The following NEO1 variants were observed in gnomAD, a reference collection of about 807,000 sequenced individuals.
NEO1 encodes neogenin.
A neutral mutation model predicts 159.7 loss-of-function variants in NEO1; 63 were observed. That is an observed-to-expected ratio of 0.39 (90% CI 0.32 to 0.49). The LOEUF (loss-of-function observed/expected upper bound fraction) is 0.49. NEO1 is among the 20% of genes least tolerant of loss of function. NEO1 has a pLI of 0.85. For missense variants in NEO1, 1,615 were observed against 1,831.0 expected, an observed-to-expected ratio of 0.88 and a Z score of 2.15; for synonymous variants, 633 against 662.0, an observed-to-expected ratio of 0.96 and a Z score of 0.67.
In NEO1 at chr15:73,153,412, T is replaced by C. The variant is rs527827220; in HGVS notation, c.1015+17385T>C. ...AAATCTAATTACAAAATCTAATCACTGCATTGGCAAAACACCATTTCTCCC... is the reference window on the plus strand; with the variant it reads ...AAATCTAATTACAAAATCTAATCACCGCATTGGCAAAACACCATTTCTCCC... On this transcript the variant is annotated intron_variant, in intron 5 of 28. Coordinates refer to ENST00000261908, the MANE Select transcript of NEO1 (RefSeq NM_002499.4). Among the ~76,000 whole-genome samples the C allele has an allele frequency of 3.4e-4, 51 of 151,944 alleles. 1 individual carries two copies. The highest frequency in any genetic ancestry group is 3.0e-3 in the Admixed American group (46 of 15,272).
chr15:73,124,618 C>T (rs554167985), intron 3 of NEO1, among the ~76,000 whole-genome samples: 1 of 152,154 alleles, frequency 6.6e-6, no homozygotes, highest in Non-Finnish European at 1.5e-5. Flanking sequence ...AGATACCTGC[C>T]TGGGTCACTG....
chr15:73,301,434 A>G lies in NEO1; in HGVS notation c.4279A>G (p.Arg1427Gly), dbSNP rs1397110926. 1.2e-6 allele frequency: 2 copies of G among 1,614,174 alleles called. No individual in the cohort carries two copies. Among genetic ancestry groups the G allele is most frequent in the Non-Finnish European group, 1.7e-6 (2 of 1,180,030 alleles). Residue 1427 changes from arginine to glycine, a missense_variant, in exon 28 of 29, where the codon AGG becomes GGG. Arg to Gly is a moderately radical substitution (Grantham distance 125, BLOSUM62 -2). Transcript: ENST00000261908. ...PSAPEVQETTRMLEDSESSYE... is the reference protein window; with the variant it reads ...PSAPEVQETTGMLEDSESSYE... ...TGCCCCTGAAGTGCAGGAGACCACA[A>G]GGATGTTGGAAGACTCCGAGAGTGT...
At chr15:73,065,566 CT>C (rs2151278398) in intron 1 of NEO1, among the ~76,000 whole-genome samples, 1 of 152,234 alleles carries the variant, frequency 6.6e-6, no homozygotes, top group African/African-American at 2.4e-5. Flanking sequence ...AAGAAGTCAA[CT>C]GTCTTATTTT....
chr15:73,112,127 T>A (rs1400635668), intron 1 of NEO1, among the ~76,000 whole-genome samples: 1 of 152,118 alleles, frequency 6.6e-6, no homozygotes. Flanking sequence ...CATATGAAAT[T>A]ATATAATTTA....
intron 1 of NEO1, among the ~76,000 whole-genome samples, chr15:73,103,439 G>A (rs1253049721): frequency 6.6e-6 from 1 of 152,142 alleles, no homozygotes; most frequent in Non-Finnish European, 1.5e-5. Flanking sequence ...TTGACAGAGT[G>A]TCTTCTGCTC....
intron 25 of NEO1, among the ~76,000 whole-genome samples, chr15:73,292,090 G>A (rs1337557513): frequency 1.3e-5 from 2 of 152,144 alleles, no homozygotes; most frequent in African/African-American, 4.8e-5. Context: ...CTGAGGGAAA[G>A]CCCCTTTTTT....
intron 5 of NEO1, among the ~76,000 whole-genome samples, chr15:73,174,353 G>T (rs11636981): frequency 0.29 from 44,188 of 151,968 alleles, 7,440 homozygotes; most frequent in East Asian, 0.57. Context: ...GAGCTGGTGT[G>T]CAGAAAACAC....
At chr15:73,236,671 C>T (rs938122185) in intron 8 of NEO1, among the ~76,000 whole-genome samples, 165 bp downstream of exon 8, 2 of 152,168 alleles carry the variant, frequency 1.3e-5, no homozygotes, top group African/African-American at 4.8e-5. Context: ...CCCAAACAGA[C>T]TAAAGTCCTG....
At position 73,083,446 on chromosome 15, in the gene NEO1, A is replaced by G. The variant is rs886171518; in HGVS notation, c.130+30641A>G. ...ATATAAATATAAAACATATATATAT[A>G]TAAAACACAGTTTGGTCCTTAAAGA... On this transcript the variant is annotated intron_variant, in intron 1 of 28. Transcript: ENST00000261908. 3.9e-5 allele frequency among the ~76,000 whole-genome samples: 6 copies of G among 152,070 alleles called. No homozygotes were observed. In the South Asian group the frequency reaches 8.3e-4, roughly 21 times the overall value.
At chr15:73,134,499 GT>G (rs1489167384) in intron 4 of NEO1, among the ~76,000 whole-genome samples, 3 of 151,634 alleles carry the variant, frequency 2.0e-5, no homozygotes, top group Admixed American at 6.6e-5. Flanking sequence ...AATTATAAAT[GT>G]GGCCAAGACT....
intron 7 of NEO1, among the ~76,000 whole-genome samples, chr15:73,235,006 AG>A (rs2039097146): frequency 6.6e-6 from 1 of 152,238 alleles, no homozygotes; most frequent in Admixed American, 6.5e-5. Context: ...ATAGAGAGCC[AG>A]AGTGCCATAT....
At chr15:73,280,907 A>T (rs1015799382) in intron 22 of NEO1, among the ~76,000 whole-genome samples, 2 of 151,990 alleles carry the variant, frequency 1.3e-5, no homozygotes, top group African/African-American at 4.8e-5. Flanking sequence ...GTAAGTTTGG[A>T]TTAGAACATA....
chr15:73,289,427 C>T (rs1243668245), intron 25 of NEO1, among the ~76,000 whole-genome samples, 189 bp downstream of exon 25: 1 of 152,118 alleles, frequency 6.6e-6, no homozygotes, highest in African/African-American at 2.4e-5. Context: ...TTGAGGCTAG[C>T]GTCGTTATGT....
At chr15:73,199,391 T>C (rs1457583144) in intron 7 of NEO1, among the ~76,000 whole-genome samples, 1 of 152,034 alleles carries the variant, frequency 6.6e-6, no homozygotes, top group African/African-American at 2.4e-5. Context: ...CTTTCCATAC[T>C]CTATACTTTG....
chr15:73,259,155 TG>T (rs2040503747), intron 14 of NEO1: 1 of 268,022 alleles, frequency 3.7e-6, no homozygotes, highest in Non-Finnish European at 7.2e-6. Flanking sequence ...AGTAGATGGA[TG>T]ATCTAAAATT....
At chr15:73,205,076 C>T (rs774995069) in intron 7 of NEO1, among the ~76,000 whole-genome samples, 12 of 152,236 alleles carry the variant, frequency 7.9e-5, no homozygotes, top group East Asian at 5.8e-4. Context: ...TAGTTGTTTC[C>T]GCTATTATTC....
chr15:73,082,884 A>G (rs981161781), intron 1 of NEO1, among the ~76,000 whole-genome samples: 4 of 152,194 alleles, frequency 2.6e-5, no homozygotes, highest in African/African-American at 9.7e-5. Context: ...TATCAGAGAA[A>G]GCTTCCCTAA....
rs146526344 is a variant in NEO1, at chr15:73,160,689, T to A, written c.1016-15714T>A. Among the ~76,000 whole-genome samples the A allele has an allele frequency of 1.9e-4, 29 of 152,306 alleles. No homozygotes were observed. In the East Asian group the frequency reaches 2.3e-3, roughly 12 times the overall value. On this transcript the variant is annotated intron_variant, in intron 5 of 28. Transcript: ENST00000261908. ...TTATTATAAAGGATATTACAAAGTGTTAAACAGCATAGGGCAAGGTACGTG... is the reference window on the plus strand; with the variant it reads ...TTATTATAAAGGATATTACAAAGTGATAAACAGCATAGGGCAAGGTACGTG...
chr15:73,232,006 C>G (rs2038935281), intron 7 of NEO1, among the ~76,000 whole-genome samples: 1 of 152,184 alleles, frequency 6.6e-6, no homozygotes, highest in Non-Finnish European at 1.5e-5. Context: ...TTTGTTAAAT[C>G]CAGTATCTGA....
Sources: gnomAD v4.1 joint callset for allele counts (sites outside exome capture counted in the v4.1 genomes callset) on GRCh38, gnomAD v4.1.1 for gene constraint, MANE v1.5 for transcripts, NCBI Gene and HGNC (gene_info 2026-07-23, HGNC 2026-07-21) for gene names.